Variants in CDK17 observed in about 807,000 individuals in gnomAD.
CDK17 encodes cyclin-dependent kinase 17.
A neutral mutation model predicts 77.6 loss-of-function variants in CDK17; 24 were observed. The observed-to-expected ratio is 0.31, with a 90% confidence interval of 0.22 to 0.44. The LOEUF is 0.44. Ranked by LOEUF, CDK17 falls within the 20% of genes least tolerant of loss-of-function variation. CDK17 has a pLI of 1.00. For missense variants in CDK17, 429 were observed against 622.5 expected, an observed-to-expected ratio of 0.69 and a Z score of 3.31; for synonymous variants, 203 against 210.4, an observed-to-expected ratio of 0.96 and a Z score of 0.30.
chr12:96,291,628 CTTT>C (rs1164677307), intron 10 of CDK17, among the ~76,000 whole-genome samples: 3 of 117,768 alleles, frequency 2.5e-5, no homozygotes, highest in Non-Finnish European at 1.8e-5. Context: ...ATTCCTTTTG[CTTT>C]TTTTTTTTTT....
chr12:96,343,526 G>A (rs2137158517), intron 1 of CDK17, among the ~76,000 whole-genome samples: 2 of 152,326 alleles, frequency 1.3e-5, no homozygotes, highest in South Asian at 4.1e-4. Flanking sequence ...TACCGGGCAG[G>A]GGAGGCGCAC....
intron 5 of CDK17, among the ~76,000 whole-genome samples, chr12:96,306,859 T>C (rs954729161): frequency 6.6e-6 from 1 of 152,220 alleles, no homozygotes; most frequent in Non-Finnish European, 1.5e-5. Flanking sequence ...GATTTTCATT[T>C]TGAAGAATAA....
At chr12:96,343,070 G>A (rs1953145572) in intron 1 of CDK17, among the ~76,000 whole-genome samples, 1 of 152,242 alleles carries the variant, frequency 6.6e-6, no homozygotes, top group Admixed American at 6.5e-5. Flanking sequence ...ATGTACCAAA[G>A]ATTTTCCTCC....
chr12:96,393,851 G>T (rs1288215971), intron 1 of CDK17, among the ~76,000 whole-genome samples: 2 of 152,078 alleles, frequency 1.3e-5, no homozygotes, highest in African/African-American at 4.8e-5. Context: ...TTCAAAAAAT[G>T]TTTATTCTAA....
At chr12:96,323,705 T>A (rs565066482) in intron 3 of CDK17, among the ~76,000 whole-genome samples, 8 of 152,338 alleles carry the variant, frequency 5.3e-5, no homozygotes, top group African/African-American at 1.9e-4. Context: ...CTTGAAATAC[T>A]GCATCCATTT....
At chr12:96,331,010 C>T (rs532169451) in intron 2 of CDK17, among the ~76,000 whole-genome samples, 3 of 152,236 alleles carry the variant, frequency 2.0e-5, no homozygotes, top group South Asian at 4.1e-4. Flanking sequence ...GCAGGGGTGC[C>T]ATCTCGGCTC....
At chr12:96,396,345 G>A (rs548545887) in intron 1 of CDK17, among the ~76,000 whole-genome samples, 45 of 152,160 alleles carry the variant, frequency 3.0e-4, no homozygotes, top group South Asian at 2.3e-3. Flanking sequence ...AGAATCCACT[G>A]ATGACAATAA....
At position 96,400,035 on chromosome 12, in the gene CDK17, G is replaced by A. The variant is rs1436726411; in HGVS notation, c.-79C>T. 1.3e-5 allele frequency: 5 copies of A among 386,504 alleles called. No individual in the cohort carries two copies. The highest frequency in any genetic ancestry group is 2.3e-5 in the Non-Finnish European group (5 of 218,740). The allele number at this position is 386,504 out of a possible 1,614,324, so 23.9% of individuals were successfully genotyped here. A position where few individuals can be genotyped will look rare whatever the true frequency, so the allele number is the denominator to read the frequency against. On this transcript the variant is annotated 5_prime_UTR_variant, in exon 1 of 17. Coordinates refer to ENST00000261211, the MANE Select transcript of CDK17 (RefSeq NM_002595.5). ...CCGAGGCGAGGCGAAGAGAGGCGCG[G>A]GGGGAAGCTGCTCCGCGGACGCCCG... is the stretch of plus-strand genomic sequence containing the variant.
At chr12:96,350,312 C>T (rs1159255913) in intron 1 of CDK17, among the ~76,000 whole-genome samples, 2 of 150,928 alleles carry the variant, frequency 1.3e-5, no homozygotes, top group African/African-American at 4.9e-5. Flanking sequence ...CACTGCACTC[C>T]AGCCTGGGTG....
At chr12:96,382,633 C>A (rs1207965632) in intron 1 of CDK17, among the ~76,000 whole-genome samples, 2 of 152,118 alleles carry the variant, frequency 1.3e-5, no homozygotes, top group African/African-American at 4.8e-5. Context: ...CAAATGGAAT[C>A]CAGCAGCACA....
intron 1 of CDK17, among the ~76,000 whole-genome samples, chr12:96,360,372 T>TG (rs988688716): frequency 3.3e-5 from 5 of 152,186 alleles, no homozygotes; most frequent in African/African-American, 9.7e-5. Context: ...TGGTAAGATA[T>TG]GCCAGTGAGA....
intron 1 of CDK17, among the ~76,000 whole-genome samples, chr12:96,395,295 T>G (rs1331040416): frequency 2.0e-5 from 3 of 152,266 alleles, no homozygotes; most frequent in African/African-American, 7.2e-5. Flanking sequence ...TCAATGTACT[T>G]TAAATCGCAT....
chr12:96,379,431 A>AT (rs34213175), intron 1 of CDK17, among the ~76,000 whole-genome samples: 7,405 of 148,806 alleles, frequency 0.05, 242 homozygotes, highest in Non-Finnish European at 0.062. Context: ...TTTAAATCTA[A>AT]TTTTTTTTTT....
intron 1 of CDK17, among the ~76,000 whole-genome samples, chr12:96,369,697 T>C (rs915572340): frequency 2.6e-5 from 4 of 152,184 alleles, no homozygotes; most frequent in African/African-American, 7.2e-5. Context: ...GAGAATCGTT[T>C]GAACCCGGGA....
At chr12:96,301,660 T>C (rs10777782) in intron 5 of CDK17, among the ~76,000 whole-genome samples, 59,503 of 151,954 alleles carry the variant, frequency 0.39, 12,071 homozygotes, top group East Asian at 0.58. Context: ...GGAAATAATG[T>C]TTTTTAATAC....
intron 1 of CDK17, among the ~76,000 whole-genome samples, chr12:96,343,481 G>A (rs1261041663): frequency 1.3e-5 from 2 of 152,210 alleles, no homozygotes; most frequent in Non-Finnish European, 2.9e-5. Flanking sequence ...CAGGCACAGA[G>A]GCAGATGCTT....
Position 96,369,496 on chromosome 12 carries a change from G to C in CDK17, c.-30+30490C>G, listed in dbSNP as rs112365570. Among the ~76,000 whole-genome samples the C allele has an allele frequency of 6.0e-3, 919 of 152,196 alleles. 12 individuals carry two copies. The highest frequency in any genetic ancestry group is 0.02 in the African/African-American group (830 of 41,530). On this transcript the variant is annotated intron_variant, in intron 1 of 16. Transcript: ENST00000261211. ...GAGGATTTCTTTTTAAAAAAATGTT[G>C]GCTGGGCACAGTGGCTCATGCCTAT...
chr12:96,283,769 T>C, intron 13 of CDK17, 124 bp from the exon 14 acceptor site: 1 of 605,668 alleles, frequency 1.7e-6, no homozygotes, highest in Non-Finnish European at 2.9e-6. Context: ...TCACTCTTGT[T>C]GTCTTCAAAT....
chr12:96,354,377 ACTC>A (rs1953363335), intron 1 of CDK17, among the ~76,000 whole-genome samples: 2 of 152,080 alleles, frequency 1.3e-5, no homozygotes, highest in Admixed American at 6.5e-5. Flanking sequence ...GTGTATCTCT[ACTC>A]CTTCAAACTC....
Sources: gnomAD v4.1 joint callset for allele counts (sites outside exome capture counted in the v4.1 genomes callset) on GRCh38, gnomAD v4.1.1 for gene constraint, MANE v1.5 for transcripts, NCBI Gene and HGNC (gene_info 2026-07-23, HGNC 2026-07-21) for gene names.